The following IKBIP variants were observed in gnomAD, a reference collection of about 807,000 sequenced individuals.
IKBIP encodes the protein inhibitor of nuclear factor kappa-B kinase-interacting protein.
In IKBIP, 28 loss-of-function variants were observed where a neutral mutation model predicts 31.0. That is an observed-to-expected ratio of 0.90 (90% confidence interval 0.67 to 1.24). The LOEUF (loss-of-function observed/expected upper bound fraction) is 1.24, where lower values mean the gene tolerates loss of function less well. Among genes scored for constraint, IKBIP ranks in the 50% most tolerant of loss-of-function variants. The pLI is 0.00. For synonymous variants in IKBIP, 164 were observed against 160.3 expected, an observed-to-expected ratio of 1.02 and a Z score of -0.17; for missense variants, 453 against 441.9, an observed-to-expected ratio of 1.03 and a Z score of -0.23.
At chr12:98,634,538 T>G (rs979865734) in intron 1 of IKBIP, 125 bp from the exon 2 acceptor site, 11 of 486,730 alleles carry the variant, frequency 2.3e-5, no homozygotes, top group Non-Finnish European at 4.0e-5. Flanking sequence ...CTGTAGGTTT[T>G]TTTTTTTTTT....
intron 2 of IKBIP, among the ~76,000 whole-genome samples, chr12:98,630,350 T>G (rs2097618773): frequency 9.1e-6 from 1 of 109,470 alleles, no homozygotes; most frequent in Non-Finnish European, 1.7e-5. Flanking sequence ...CCCACTGCAC[T>G]CCAGCCTGGG....
At chr12:98,616,827 C>T (rs1240244312) in intron 2 of IKBIP, among the ~76,000 whole-genome samples, 1 of 151,972 alleles carries the variant, frequency 6.6e-6, no homozygotes, top group Admixed American at 6.6e-5. Context: ...CTCTCTGTTC[C>T]ATTAGTCTAT....
chr12:98,635,680 C>T lies in IKBIP; in HGVS notation c.180-1267G>A, dbSNP rs553169044. Among the ~76,000 whole-genome samples, 428 of 152,056 alleles carry T rather than the reference C, an allele frequency of 2.8e-3. 1 individual carries two copies. The highest frequency in any genetic ancestry group is 9.5e-3 in the African/African-American group (394 of 41,480). On this transcript the variant is annotated intron_variant, in intron 1 of 2. Coordinates refer to ENST00000299157, the MANE Select transcript of IKBIP (RefSeq NM_153687.4). ...GCTGAAATGTAGGCGAAACAAGAGT[C>T]GTCTATAAAAAGTATTTTAAAACTG...
chr12:98,621,473 G>A (rs1565838064), downstream of IKBIP, among the ~76,000 whole-genome samples: 1 of 152,142 alleles, frequency 6.6e-6, no homozygotes, highest in Non-Finnish European at 1.5e-5. Flanking sequence ...CTGGTTTAAT[G>A]GCAACATGGT....
intron 2 of IKBIP, among the ~76,000 whole-genome samples, chr12:98,630,088 G>A (rs2097618509): frequency 6.6e-6 from 1 of 151,704 alleles, no homozygotes; most frequent in African/African-American, 2.4e-5. Flanking sequence ...TTTTCTTAAA[G>A]AAAGAGCTAG....
rs1039354839 is a variant in IKBIP at position 98,626,208 on chromosome 12, C to T, written c.856G>A (p.Val286Ile). The change falls in exon 3 of 3, where the codon GTC becomes ATC. Residue 286 changes from valine to isoleucine, a missense_variant. Physicochemically the swap from Val to Ile is conservative, Grantham distance 29. Coordinates refer to ENST00000299157, the MANE Select transcript of IKBIP (RefSeq NM_153687.4). ...TCTGTTTCTATCAGATCCTGAGAGA[C>T]TCTGAGAACAGAGTGAATAGCACTT... Reference protein sequence around the residue: ...IESAIHSVLRVSQDLIETEKK... With the variant: ...IESAIHSVLRISQDLIETEKK... 9.3e-6 allele frequency: 15 copies of T among 1,613,708 alleles called. No homozygotes were observed. The highest frequency in any genetic ancestry group is 3.3e-5 in the Admixed American group (2 of 60,004).
chr12:98,644,751 G>C lies in IKBIP; in HGVS notation c.-50C>G. On this transcript the variant is annotated 5_prime_UTR_variant, in exon 1 of 3. Coordinates refer to ENST00000299157, the MANE Select transcript of IKBIP (RefSeq NM_153687.4). ...CCCAGGGCAGCTTCTTCACCAGGGGGAGCAGGACGTGGCCGCCTTGGCGTT... is the reference window on the plus strand; with the variant it reads ...CCCAGGGCAGCTTCTTCACCAGGGGCAGCAGGACGTGGCCGCCTTGGCGTT... 1 of 1,562,976 alleles carries C rather than the reference G, an allele frequency of 6.4e-7. No homozygotes were observed. The highest frequency in any genetic ancestry group is 8.6e-7 in the Non-Finnish European group (1 of 1,161,146).
At chr12:98,640,931 T>G (rs2097629851) in intron 1 of IKBIP, among the ~76,000 whole-genome samples, 1 of 151,996 alleles carries the variant, frequency 6.6e-6, no homozygotes, top group South Asian at 2.1e-4. Context: ...CTGGCTAATT[T>G]TTTGTATTTT....
At chr12:98,644,385 C>A in intron 1 of IKBIP, 138 bp downstream of exon 1, 1 of 789,064 alleles carries the variant, frequency 1.3e-6, no homozygotes, top group Non-Finnish European at 1.9e-6. Context: ...TGTTTCCTTC[C>A]TTTGGGGTCA....
At chr12:98,632,054 C>T (rs2153298932) in intron 2 of IKBIP, among the ~76,000 whole-genome samples, 1 of 151,700 alleles carries the variant, frequency 6.6e-6, no homozygotes. Flanking sequence ...TGGGGTTTCA[C>T]CATGTTGGCC....
At chr12:98,629,708 G>A (rs1377101774) in intron 2 of IKBIP, among the ~76,000 whole-genome samples, 1 of 152,118 alleles carries the variant, frequency 6.6e-6, no homozygotes, top group East Asian at 1.9e-4. Context: ...AACATGGTTA[G>A]GTTTAGTTGT....
At chr12:98,618,620 T>C (rs561508242) in intron 2 of IKBIP, among the ~76,000 whole-genome samples, 53 of 135,692 alleles carry the variant, frequency 3.9e-4, no homozygotes, top group South Asian at 9.7e-4. Flanking sequence ...AGCCAGACTC[T>C]GTCTCAAAAA....
intron 2 of IKBIP, among the ~76,000 whole-genome samples, chr12:98,629,455 A>C (rs2097617919): frequency 6.6e-6 from 1 of 152,122 alleles, no homozygotes; most frequent in Admixed American, 6.6e-5. Flanking sequence ...GCTACTTGGG[A>C]GGCTGAGGTG....
chr12:98,644,505 A>C lies in IKBIP; in HGVS notation c.179+18T>G. 1 of 1,571,658 alleles carries C rather than the reference A, an allele frequency of 6.4e-7. No individual in the cohort carries two copies. The highest frequency in any genetic ancestry group is 8.6e-7 in the Non-Finnish European group (1 of 1,161,238). ...GGGCCCACAGGAGGCCGGCCCAGGCAGCCTCGCGTCCACTTACCAGGCCAG... is the reference window on the plus strand; with the variant it reads ...GGGCCCACAGGAGGCCGGCCCAGGCCGCCTCGCGTCCACTTACCAGGCCAG... On this transcript the variant is annotated intron_variant, in intron 1 of 2. Transcript: ENST00000299157.
intron 1 of IKBIP, among the ~76,000 whole-genome samples, chr12:98,641,947 G>A (rs1227647704): frequency 6.6e-6 from 1 of 152,148 alleles, no homozygotes; most frequent in Non-Finnish European, 1.5e-5. Context: ...GAACCACTGG[G>A]TCTGGCCCCC....
At chr12:98,614,103 T>C (rs1362632796) in exon 3 of IKBIP, 6 of 1,613,140 alleles carry the variant, frequency 3.7e-6, no homozygotes, top group Non-Finnish European at 5.1e-6. Context: ...ATCCGTCGTA[T>C]ATCTGTTTTT....
exon 3 of IKBIP, chr12:98,614,010 T>C: frequency 6.2e-7 from 1 of 1,609,784 alleles, no homozygotes; most frequent in South Asian, 1.1e-5. Context: ...TTTTTTACTG[T>C]ATTTTTTTCT....
chr12:98,639,078 T>C lies in IKBIP; in HGVS notation c.180-4665A>G, dbSNP rs145863057. ...TTTTTGGAGATGGAGTCTCACTCTG[T>C]TGTCCAGGCTGAAGTGCAGTGGTGT... On this transcript the variant is annotated intron_variant, in intron 1 of 2. Transcript: ENST00000299157. Among the ~76,000 whole-genome samples the C allele has an allele frequency of 3.6e-3, 543 of 152,286 alleles. 2 individuals carry two copies. Among genetic ancestry groups the C allele is most frequent in the Non-Finnish European group, 6.0e-3 (407 of 68,020 alleles).
exon 3 of IKBIP, chr12:98,614,255 T>A: frequency 6.2e-7 from 1 of 1,611,550 alleles, no homozygotes; most frequent in Non-Finnish European, 8.5e-7. Flanking sequence ...AGTTTTTACC[T>A]CATTAATTTC....
Sources: gnomAD v4.1 joint callset for allele counts (sites outside exome capture counted in the v4.1 genomes callset) on GRCh38, gnomAD v4.1.1 for gene constraint, MANE v1.5 for transcripts, NCBI Gene and HGNC (gene_info 2026-07-23, HGNC 2026-07-21) for gene names.